The following BACH2 variants were observed in gnomAD, a reference collection of about 807,000 sequenced individuals.
BACH2 encodes transcription regulator protein BACH2.
A neutral mutation model predicts 61.8 loss-of-function variants in BACH2; 5 were observed. The observed-to-expected ratio is 0.08, with a 90% CI of 0.04 to 0.17. The LOEUF (loss-of-function observed/expected upper bound fraction) is 0.17, where lower values mean the gene tolerates loss of function less well. Among genes scored for constraint, BACH2 ranks in the 10% least tolerant of loss-of-function variants. The pLI is 1.00. For synonymous variants in BACH2, 446 were observed against 440.1 expected (o/e 1.01, Z -0.17); for missense variants, 824 against 1,091.1 (o/e 0.76, Z 3.45).
chr6:89,938,820 T>C (rs1773193355), intron 7 of BACH2, among the ~76,000 whole-genome samples: 1 of 152,164 alleles, frequency 6.6e-6, no homozygotes, highest in South Asian at 2.1e-4. Flanking sequence ...GATTCTTAGT[T>C]ACAATAGCAT....
intron 6 of BACH2, among the ~76,000 whole-genome samples, chr6:89,969,025 A>G (rs544331750): frequency 1.3e-5 from 2 of 152,094 alleles, no homozygotes; most frequent in African/African-American, 4.8e-5. Context: ...AATAATAAAA[A>G]AAGAATGTGT....
chr6:90,085,921 T>C (rs1017506776), intron 5 of BACH2, among the ~76,000 whole-genome samples: 1 of 152,288 alleles, frequency 6.6e-6, no homozygotes, highest in South Asian at 2.1e-4. Context: ...GTCATCATCA[T>C]TCATCTCCGG....
intron 5 of BACH2, among the ~76,000 whole-genome samples, chr6:90,085,180 GA>G (rs1026671477): frequency 4.6e-5 from 7 of 152,176 alleles, no homozygotes; most frequent in African/African-American, 1.4e-4. Flanking sequence ...GGTGATGGGG[GA>G]TAAATCTTGC....
At chr6:90,128,037 C>G (rs113608460) in intron 4 of BACH2, among the ~76,000 whole-genome samples, 3 of 152,214 alleles carry the variant, frequency 2.0e-5, no homozygotes, top group East Asian at 3.9e-4. Flanking sequence ...CTTATGCCCC[C>G]CCATCTCCAT....
rs145104669 is a variant in BACH2 at position 90,188,610 on chromosome 6, C to T, written c.-162+17959G>A. Reference sequence around the variant, plus strand: ...TGTACTCATTCATGACCAAAAGACACTGATCATTTGTAAGCTTATTCTAGT... The same window carrying T: ...TGTACTCATTCATGACCAAAAGACATTGATCATTTGTAAGCTTATTCTAGT... On this transcript the variant is annotated intron_variant, in intron 4 of 8. Transcript: ENST00000257749. Among the ~76,000 whole-genome samples, 62 of 152,008 alleles carry T rather than the reference C, an allele frequency of 4.1e-4. 1 individual carries two copies. The highest frequency in any genetic ancestry group is 1.5e-3 in the African/African-American group (61 of 41,488).
intron 5 of BACH2, among the ~76,000 whole-genome samples, chr6:90,040,534 A>T (rs1234913576): frequency 1.3e-5 from 2 of 149,894 alleles, no homozygotes; most frequent in African/African-American, 4.9e-5. Context: ...TTTTTTTTTT[A>T]CATGAACTTC....
chr6:90,197,649 A>G (rs1276520612), intron 4 of BACH2, among the ~76,000 whole-genome samples: 1 of 152,178 alleles, frequency 6.6e-6, no homozygotes, highest in African/African-American at 2.4e-5. Context: ...GAGTATCCAA[A>G]GGGCCTCTTT....
intron 5 of BACH2, among the ~76,000 whole-genome samples, chr6:90,070,531 G>A (rs1433829701): frequency 6.6e-6 from 1 of 152,154 alleles, no homozygotes; most frequent in Non-Finnish European, 1.5e-5. Context: ...CCTCCTGACT[G>A]TAATTCTGCA....
At chr6:90,065,502 G>A (rs1780915658) in intron 5 of BACH2, among the ~76,000 whole-genome samples, 1 of 151,862 alleles carries the variant, frequency 6.6e-6, no homozygotes, top group South Asian at 2.1e-4. Flanking sequence ...CAAATACTCA[G>A]CTCTGCTGTT....
chr6:90,094,362 G>A (rs28372443), intron 4 of BACH2, among the ~76,000 whole-genome samples: 49,462 of 151,760 alleles, frequency 0.33, 8,554 homozygotes, highest in East Asian at 0.69. Flanking sequence ...CCTGTCCCCA[G>A]GAAACTACAG....
In BACH2 at chr6:89,976,413, G is replaced by A. The variant is rs539159403; in HGVS notation, c.244-24551C>T. 1.2e-4 allele frequency among the ~76,000 whole-genome samples: 18 copies of A among 152,306 alleles called. No individual in the cohort carries two copies. In the South Asian group the frequency reaches 3.7e-3, roughly 32 times the overall value. On this transcript the variant is annotated intron_variant, in intron 6 of 8. Coordinates refer to ENST00000257749, the MANE Select transcript of BACH2 (RefSeq NM_021813.4). ...GGCAAGCTGCTGCTCTCATTACAGT[G>A]GGCTACTAGCAGTCTAAACTCCAAA...
At chr6:90,117,487 T>C (rs1173900225) in intron 4 of BACH2, among the ~76,000 whole-genome samples, 5 of 151,130 alleles carry the variant, frequency 3.3e-5, no homozygotes, top group Admixed American at 2.6e-4. Flanking sequence ...TGTAATTCTA[T>C]AGCATCCTAT....
intron 1 of BACH2, among the ~76,000 whole-genome samples, chr6:90,278,217 T>C (rs2127885099): frequency 2.0e-5 from 3 of 152,348 alleles, no homozygotes; most frequent in South Asian, 2.1e-4. Flanking sequence ...TCAATCCATC[T>C]CTTCTTCTCA....
chr6:90,009,741 T>A (rs1777606897), intron 5 of BACH2, among the ~76,000 whole-genome samples: 1 of 152,360 alleles, frequency 6.6e-6, no homozygotes, highest in Middle Eastern at 3.4e-3. Flanking sequence ...CTCAGCTCAC[T>A]GCAACCTCCA....
chr6:89,952,966 G>A (rs2128357357), intron 6 of BACH2: 1 of 152,340 alleles, frequency 6.6e-6, no homozygotes, highest in Non-Finnish European at 1.5e-5. Context: ...TGCAAGCACT[G>A]CTGACCACAC....
chr6:89,947,536 A>T (rs1773800278), intron 7 of BACH2, among the ~76,000 whole-genome samples: 1 of 151,106 alleles, frequency 6.6e-6, no homozygotes, highest in South Asian at 2.1e-4. Flanking sequence ...CTCTTCTTTC[A>T]CTGTTCAGGA....
At position 90,136,157 on chromosome 6, in the gene BACH2, C is replaced by T. The variant is rs562413517; in HGVS notation, c.-161-47048G>A. On this transcript the variant is annotated intron_variant, in intron 4 of 8. Coordinates refer to ENST00000257749, the MANE Select transcript of BACH2 (RefSeq NM_021813.4). ...ACGAGCACAATCCTGTGCTGTGACT[C>T]TGCGCTGTTTTGTTGTTGCTCACTG... Among the ~76,000 whole-genome samples, 12 of 152,318 alleles carry T rather than the reference C, an allele frequency of 7.9e-5. No individual in the cohort carries two copies. The East Asian group carries it at 1.3e-3, about 17-fold the overall frequency.
intron 7 of BACH2, among the ~76,000 whole-genome samples, chr6:89,944,483 T>C (rs1584510483): frequency 6.6e-6 from 1 of 152,222 alleles, no homozygotes; most frequent in African/African-American, 2.4e-5. Flanking sequence ...CCCAGCAAGG[T>C]TTCTTTTTAT....
rs188442492 is a variant in BACH2, at chr6:89,928,398, G to C, written c.*4010C>G. 6.6e-6 allele frequency: 1 copy of C among 152,428 alleles called. No individual in the cohort carries two copies. Among genetic ancestry groups the C allele is most frequent in the Admixed American group, 6.5e-5 (1 of 15,298 alleles). 9.4% of individuals were successfully genotyped at this position (152,428 alleles called of 1,614,324 possible). On this transcript the variant is annotated 3_prime_UTR_variant, in exon 9 of 9. Coordinates refer to ENST00000257749, the MANE Select transcript of BACH2 (RefSeq NM_021813.4). ...TCCACAGGATGTCAAGCAGCTTCAC[G>C]GGACAGGAGTTTTTGGTGTCTTAAC...
Sources: gnomAD v4.1 joint callset for allele counts (sites outside exome capture counted in the v4.1 genomes callset) on GRCh38, gnomAD v4.1.1 for gene constraint, MANE v1.5 for transcripts, NCBI Gene and HGNC (gene_info 2026-07-23, HGNC 2026-07-21) for gene names.